Variants in PTPRK observed in about 807,000 individuals in gnomAD.
The protein encoded by PTPRK is protein tyrosine phosphatase receptor type K.
PTPRK carries 75 observed loss-of-function variants against 178.0 expected under a neutral mutation model. The ratio of observed to expected loss-of-function variants is 0.42; its 90% CI spans 0.35 to 0.51. The LOEUF (loss-of-function observed/expected upper bound fraction) is 0.51, where lower values mean the gene tolerates loss of function less well. Among genes scored for constraint, PTPRK ranks in the 20% least tolerant of loss-of-function variants. The pLI, the probability that PTPRK is intolerant of heterozygous loss-of-function variation, is 0.02. For missense variants in PTPRK, 1,441 were observed against 1,797.8 expected (o/e 0.80, Z 3.59); for synonymous variants, 637 against 620.6 (o/e 1.03, Z -0.39).
At chr6:128,403,862 A>G (rs1401385813) in intron 1 of PTPRK, among the ~76,000 whole-genome samples, 1 of 152,192 alleles carries the variant, frequency 6.6e-6, no homozygotes. Flanking sequence ...CATGTACAAA[A>G]AGCAAGTTAG....
chr6:128,159,509 A>G (rs566150742), intron 7 of PTPRK, among the ~76,000 whole-genome samples: 1 of 151,826 alleles, frequency 6.6e-6, no homozygotes, highest in Non-Finnish European at 1.5e-5. Context: ...TTTCCTACTC[A>G]CGGGTTGTAA....
At chr6:128,380,098 G>A (rs570255986) in intron 2 of PTPRK, among the ~76,000 whole-genome samples, 9 of 152,036 alleles carry the variant, frequency 5.9e-5, no homozygotes, top group South Asian at 2.1e-4. Context: ...CCTAGCAAAC[G>A]GGCTTTCATC....
In PTPRK at chr6:128,154,884, T is replaced by C. The variant is rs74670099; in HGVS notation, c.1162+29548A>G. On this transcript the variant is annotated intron_variant, in intron 7 of 29. Transcript: ENST00000368226. ...GATAGAAGAATGTAACAAACCCACATGTACCTAGATTCATTAACTATATTA... is the reference window on the plus strand; with the variant it reads ...GATAGAAGAATGTAACAAACCCACACGTACCTAGATTCATTAACTATATTA... 3.4e-3 allele frequency among the ~76,000 whole-genome samples: 516 copies of C among 151,868 alleles called. 4 individuals are homozygous for C. The highest frequency in any genetic ancestry group is 0.012 in the African/African-American group (487 of 41,518).
chr6:128,337,776 T>A (rs369142726), intron 2 of PTPRK, among the ~76,000 whole-genome samples: 1 of 152,102 alleles, frequency 6.6e-6, no homozygotes, highest in East Asian at 1.9e-4. Context: ...GGCTATGAAA[T>A]CATGTAATGG....
intron 3 of PTPRK, among the ~76,000 whole-genome samples, chr6:128,245,489 G>A (rs1163414758): frequency 1.3e-5 from 2 of 152,082 alleles, no homozygotes; most frequent in African/African-American, 2.4e-5. Flanking sequence ...AAGGTAAGCC[G>A]CTGGAATGGA....
At chr6:128,413,404 T>C (rs1842515546) in intron 1 of PTPRK, among the ~76,000 whole-genome samples, 1 of 151,946 alleles carries the variant, frequency 6.6e-6, no homozygotes, top group Non-Finnish European at 1.5e-5. Context: ...AAAAATCAAA[T>C]GTGAGGAGTT....
chr6:128,380,245 C>G (rs1045274524), intron 2 of PTPRK, among the ~76,000 whole-genome samples: 2 of 151,980 alleles, frequency 1.3e-5, no homozygotes, highest in African/African-American at 2.4e-5. Flanking sequence ...CCTTTAAATT[C>G]TGGATATAGC....
At chr6:128,398,032 G>A (rs867012957) in intron 1 of PTPRK, among the ~76,000 whole-genome samples, 10 of 152,110 alleles carry the variant, frequency 6.6e-5, no homozygotes, top group Non-Finnish European at 1.0e-4. Context: ...GGTTCTTGGC[G>A]TCTTGAACAA....
chr6:128,293,927 A>C (rs1239740318), intron 3 of PTPRK, among the ~76,000 whole-genome samples: 1 of 152,140 alleles, frequency 6.6e-6, no homozygotes, highest in African/African-American at 2.4e-5. Context: ...AGATGGACTC[A>C]AGCAGACAGT....
At chr6:128,016,994 T>C (rs951625953) in intron 13 of PTPRK, among the ~76,000 whole-genome samples, 1 of 152,004 alleles carries the variant, frequency 6.6e-6, no homozygotes, top group Non-Finnish European at 1.5e-5. Context: ...CTGTAACATA[T>C]TGTATATATT....
intron 3 of PTPRK, among the ~76,000 whole-genome samples, chr6:128,305,115 A>G (rs1207344744): frequency 6.6e-6 from 1 of 152,102 alleles, no homozygotes; most frequent in Non-Finnish European, 1.5e-5. Flanking sequence ...AGAAGACAAG[A>G]AAGAGTCGAT....
At chr6:128,245,628 T>C (rs1021890738) in intron 3 of PTPRK, among the ~76,000 whole-genome samples, 5 of 152,180 alleles carry the variant, frequency 3.3e-5, no homozygotes, top group Non-Finnish European at 7.4e-5. Flanking sequence ...GATGGGGTCT[T>C]TGTGGTAAGC....
intron 5 of PTPRK, chr6:128,230,734 A>G (rs1025378913): frequency 6.6e-6 from 1 of 152,196 alleles, no homozygotes; most frequent in African/African-American, 2.4e-5. Flanking sequence ...TGACACACCT[A>G]GAAACACACT....
At chr6:128,017,524 T>C (rs1779713305) in intron 13 of PTPRK, among the ~76,000 whole-genome samples, 1 of 151,404 alleles carries the variant, frequency 6.6e-6, no homozygotes, top group Admixed American at 6.6e-5. Flanking sequence ...CTATGAGGTG[T>C]CTCAGACCTC....
chr6:128,116,039 T>C (rs1383532071), intron 7 of PTPRK, among the ~76,000 whole-genome samples: 1 of 152,148 alleles, frequency 6.6e-6, no homozygotes, highest in Non-Finnish European at 1.5e-5. Flanking sequence ...ATTGCTTATA[T>C]GTGAAAATCA....
At chr6:128,381,156 T>A (rs1381022509) in intron 2 of PTPRK, among the ~76,000 whole-genome samples, 5 of 152,196 alleles carry the variant, frequency 3.3e-5, no homozygotes, top group African/African-American at 1.2e-4. Context: ...CTGTCAACAT[T>A]AAGTAAAATT....
chr6:128,329,520 G>C (rs1305399206), intron 2 of PTPRK, among the ~76,000 whole-genome samples: 2 of 151,986 alleles, frequency 1.3e-5, no homozygotes, highest in East Asian at 3.9e-4. Context: ...TGAGAAACAG[G>C]ACAGTCAATG....
At chr6:127,995,680 T>C (rs181236850) in intron 17 of PTPRK, 142 bp from the exon 18 acceptor site, 11 of 551,936 alleles carry the variant, frequency 2.0e-5, no homozygotes, top group Non-Finnish European at 3.2e-5. Flanking sequence ...TTTGAAGAAA[T>C]ATAAGAATGT....
At chr6:128,362,153 G>A (rs1834860720) in intron 2 of PTPRK, among the ~76,000 whole-genome samples, 1 of 152,144 alleles carries the variant, frequency 6.6e-6, no homozygotes, top group Non-Finnish European at 1.5e-5. Context: ...CATGTCTGCT[G>A]GGCTTCTGGT....
Sources: gnomAD v4.1 joint callset for allele counts (sites outside exome capture counted in the v4.1 genomes callset) on GRCh38, gnomAD v4.1.1 for gene constraint, MANE v1.5 for transcripts, NCBI Gene and HGNC (gene_info 2026-07-23, HGNC 2026-07-21) for gene names.